IRAK3: variants seen among roughly 807,000 people sequenced by gnomAD.
IRAK3 encodes interleukin-1 receptor-associated kinase 3.
IRAK3 carries 57 observed loss-of-function variants against 56.6 expected under a neutral mutation model. The observed-to-expected ratio is 1.01, with a 90% CI of 0.81 to 1.26. The LOEUF (loss-of-function observed/expected upper bound fraction) is 1.26, where lower values mean the gene tolerates loss of function less well. Ranked by LOEUF, IRAK3 falls within the 50% of genes most tolerant of loss-of-function variation. The pLI, the probability that IRAK3 is intolerant of heterozygous loss-of-function variation, is 0.00. For missense variants in IRAK3, 703 were observed against 719.0 expected (o/e 0.98, Z 0.25); for synonymous variants, 258 against 255.7 (o/e 1.01, Z -0.09).
At position 66,189,438 on chromosome 12, in the gene IRAK3, TCGGCGGGGACCGGCCGGGGG is replaced by T. The variant is rs2052377939; in HGVS notation, c.133+15_133+34del. On this transcript the variant is annotated splice_region_variant and intron_variant, in intron 1 of 11. Coordinates refer to ENST00000261233, the MANE Select transcript of IRAK3 (RefSeq NM_007199.3). ...GCTGGGCTGGCGCGGCCTGGGTGAG[TCGGCGGGGACCGGCCGGGGG>T]CGGCGGGGGAGCCCAGCGCGCCGCG... is the stretch of plus-strand genomic sequence containing the variant. 4.8e-6 allele frequency: 6 copies of T among 1,253,428 alleles called. No individual in the cohort carries two copies. The East Asian group carries it at 1.4e-4, about 29-fold the overall frequency. 77.6% of individuals were successfully genotyped at this position (1,253,428 alleles called of 1,614,324 possible). A position where few individuals can be genotyped will look rare whatever the true frequency, so the allele number is the denominator to read the frequency against.
At chr12:66,217,326 C>A in intron 6 of IRAK3, 91 bp downstream of exon 6, 1 of 956,724 alleles carries the variant, frequency 1.0e-6, no homozygotes, top group Non-Finnish European at 1.7e-6. Context: ...CTTGGCGTGA[C>A]ATGTAATAAA....
Position 66,226,815 on chromosome 12 carries a change from T to G in IRAK3, c.746T>G (p.Leu249Arg). The G allele has an allele frequency of 6.3e-7, 1 of 1,590,146 alleles. No homozygotes were observed. Among genetic ancestry groups the G allele is most frequent in the South Asian group, 1.1e-5 (1 of 90,564 alleles). Residue 249 changes from leucine (L) to arginine (R), a missense_variant, in exon 7 of 12, where the codon CTT (leucine) becomes CGT (arginine). Coordinates refer to ENST00000261233, the MANE Select transcript of IRAK3 (RefSeq NM_007199.3). ...LIYPYMRNGT[L>R]FDRLQCVGDT... Reference sequence around the variant, plus strand: ...TATCCATACATGAGAAATGGAACACTTTTTGACAGATTGCAGTGTGTAGTA... The same window carrying G: ...TATCCATACATGAGAAATGGAACACGTTTTGACAGATTGCAGTGTGTAGTA...
Position 66,248,370 on chromosome 12 carries a change from A to G in IRAK3, c.*199A>G. 1 of 528,016 alleles carries G rather than the reference A, an allele frequency of 1.9e-6. No homozygotes were observed. The allele number at this position is 528,016 out of a possible 1,614,324, so 32.7% of individuals were successfully genotyped here. A position where few individuals can be genotyped will look rare whatever the true frequency, so the allele number is the denominator to read the frequency against. ...ACAGAGTGCCTTAAAAAATTGTTTTATCAGGATAATTGTCTCATGACCAAA... is the reference window on the plus strand; with the variant it reads ...ACAGAGTGCCTTAAAAAATTGTTTTGTCAGGATAATTGTCTCATGACCAAA... On this transcript the variant is annotated 3_prime_UTR_variant, in exon 12 of 12. Transcript: ENST00000261233.
chr12:66,243,388 C>T (rs779996361), intron 8 of IRAK3, among the ~76,000 whole-genome samples: 25 of 152,202 alleles, frequency 1.6e-4, no homozygotes, highest in Non-Finnish European at 2.9e-4. Flanking sequence ...CTTTTAGTAA[C>T]AGCATGTCGT....
rs2052638511 is a variant in IRAK3, at chr12:66,213,874, T to TAAAC, written c.588+2279_588+2282dup. Among the ~76,000 whole-genome samples the TAAAC allele has an allele frequency of 2.0e-5, 3 of 151,474 alleles. No individual in the cohort carries two copies. In the South Asian group the frequency reaches 6.3e-4, roughly 32 times the overall value. ...GTATCTGGCCAGAGTAACCACTCAG[T>TAAAC]AAACAGTTCTCAAAAACAAATGGGG... On this transcript the variant is annotated intron_variant, in intron 5 of 11. Transcript: ENST00000261233.
Position 66,217,342 on chromosome 12 carries a change from G to A in IRAK3, c.653+107G>A, listed in dbSNP as rs1565804515. 3 of 860,370 alleles carry A rather than the reference G, an allele frequency of 3.5e-6. No homozygotes were observed. In the East Asian group the frequency reaches 7.3e-5, roughly 21 times the overall value. 53.3% of individuals were successfully genotyped at this position (860,370 alleles called of 1,614,324 possible). A position where few individuals can be genotyped will look rare whatever the true frequency, so the allele number is the denominator to read the frequency against. ...TTGGCGTGACATGTAATAAATTTGG[G>A]TTGGATGTTAGAACTTCGAATAAAT... On this transcript the variant is annotated intron_variant, in intron 6 of 11. Transcript: ENST00000261233.
chr12:66,239,660 A>G (rs1378851680), intron 8 of IRAK3, among the ~76,000 whole-genome samples: 2 of 152,170 alleles, frequency 1.3e-5, no homozygotes, highest in Non-Finnish European at 2.9e-5. Flanking sequence ...AATTTTAGAT[A>G]TATATAATTC....
chr12:66,224,016 T>C lies in IRAK3; in HGVS notation c.654-2707T>C, dbSNP rs558666068. Among the ~76,000 whole-genome samples the C allele has an allele frequency of 3.3e-5, 5 of 152,322 alleles. No individual in the cohort carries two copies. The South Asian group carries it at 1.0e-3, about 32-fold the overall frequency. On this transcript the variant is annotated intron_variant, in intron 6 of 11. Coordinates refer to ENST00000261233, the MANE Select transcript of IRAK3 (RefSeq NM_007199.3). ...CAGCTTGTCTAGGTTTCAAAAATTC[T>C]ATCGGCATTTTTAATGCAATTTTAA...
intron 1 of IRAK3, among the ~76,000 whole-genome samples, chr12:66,195,970 T>C (rs2052448228): frequency 7.2e-6 from 1 of 139,398 alleles, no homozygotes; most frequent in South Asian, 2.3e-4. Flanking sequence ...GCCACTCTTT[T>C]AAAATTGACA....
At chr12:66,195,787 G>A (rs1375508745) in intron 1 of IRAK3, among the ~76,000 whole-genome samples, 1 of 152,056 alleles carries the variant, frequency 6.6e-6, no homozygotes, top group Non-Finnish European at 1.5e-5. Flanking sequence ...AGCATCCCGA[G>A]TGGGATTACA....
At chr12:66,216,731 A>G (rs1478550570) in intron 5 of IRAK3, among the ~76,000 whole-genome samples, 1 of 152,216 alleles carries the variant, frequency 6.6e-6, no homozygotes, top group East Asian at 1.9e-4. Flanking sequence ...TCAAAAGGCA[A>G]AGGTAAACTT....
intron 4 of IRAK3, 49 bp downstream of exon 4, chr12:66,210,250 T>C: frequency 9.3e-7 from 1 of 1,073,488 alleles, no homozygotes; most frequent in Non-Finnish European, 1.4e-6. Flanking sequence ...AATCATACTT[T>C]CATTTAAGTG....
chr12:66,197,510 A>T lies in IRAK3; in HGVS notation c.134-6201A>T, dbSNP rs1317637097. ...TTAGCAATGTTTCTATTCAGAATGC[A>T]TCATCATTAGAGAAAAGCTATTAAG... On this transcript the variant is annotated intron_variant, in intron 1 of 11. Coordinates refer to ENST00000261233, the MANE Select transcript of IRAK3 (RefSeq NM_007199.3). The T allele has an allele frequency of 4.1e-6, 4 of 984,998 alleles. No homozygotes were observed. In the East Asian group the frequency reaches 4.5e-4, roughly 112 times the overall value. The allele number at this position is 984,998 out of a possible 1,614,324, so 61.0% of individuals were successfully genotyped here.
intron 3 of IRAK3, 58 bp downstream of exon 3, chr12:66,209,578 A>C: frequency 9.3e-7 from 1 of 1,076,172 alleles, no homozygotes; most frequent in South Asian, 1.2e-5. Context: ...ATAATTGAGC[A>C]TAAGGAATGA....
At chr12:66,206,688 G>T (rs955927536) in intron 2 of IRAK3, among the ~76,000 whole-genome samples, 1 of 152,164 alleles carries the variant, frequency 6.6e-6, no homozygotes, top group African/African-American at 2.4e-5. Context: ...TTCTTGTAAT[G>T]TCTTTATCCG....
At chr12:66,211,338 C>G (rs527889042) in intron 4 of IRAK3, 108 bp from the exon 5 acceptor site, 1 of 802,312 alleles carries the variant, frequency 1.2e-6, no homozygotes, top group East Asian at 2.6e-5. Context: ...GGGCCTTTCT[C>G]TACTAACCTT....
chr12:66,204,417 G>A (rs1164375447), intron 2 of IRAK3, among the ~76,000 whole-genome samples: 1 of 152,058 alleles, frequency 6.6e-6, no homozygotes, highest in Non-Finnish European at 1.5e-5. Flanking sequence ...GTTTAACCCT[G>A]CCTTACTTGT....
At chr12:66,230,725 G>A (rs981832328) in intron 8 of IRAK3, among the ~76,000 whole-genome samples, 3 of 152,108 alleles carry the variant, frequency 2.0e-5, no homozygotes, top group African/African-American at 7.2e-5. Context: ...GTCATGGTGG[G>A]AGAGTGCACC....
At chr12:66,234,769 A>G (rs1002635519) in intron 8 of IRAK3, 19 of 1,593,594 alleles carry the variant, frequency 1.2e-5, no homozygotes, top group African/African-American at 1.3e-5. Context: ...TACCACTGGC[A>G]TCACGTAGTA....
Sources: allele counts gnomAD v4.1 joint callset (sites outside exome capture counted in the v4.1 genomes callset), GRCh38; gene constraint gnomAD v4.1.1; transcripts MANE v1.5; gene names NCBI Gene and HGNC (gene_info 2026-07-23, HGNC 2026-07-21).